The following ASIC2 variants were observed in gnomAD, a reference collection of about 807,000 sequenced individuals.
The protein encoded by ASIC2 is acid sensing ion channel subunit 2, also known as acid-sensing ion channel 2.
A neutral mutation model predicts 57.3 loss-of-function variants in ASIC2; 25 were observed. The ratio of observed to expected loss-of-function variants is 0.44; its 90% CI spans 0.32 to 0.61. The LOEUF is 0.61. Among genes scored for constraint, ASIC2 ranks in the 20% least tolerant of loss-of-function variants. ASIC2 has a pLI of 0.06. For synonymous variants in ASIC2, 319 were observed against 307.5 expected (o/e 1.04, Z -0.39); for missense variants, 641 against 738.1 (o/e 0.87, Z 1.52).
Position 33,436,853 on chromosome 17 carries a change from C to CTTCTTTTTTTT in ASIC2, c.556-324787_556-324786insAAAAAAAAGAA, listed in dbSNP as rs1356302162. On this transcript the variant is annotated intron_variant, in intron 1 of 9. Coordinates refer to the ASIC2 transcript ENST00000359872. ...AATGCCTTAAAACACATTCCAACTTCTTTTTTTTTTTTTTTTTTTTTTTTT... is the reference window on the plus strand; with the variant it reads ...AATGCCTTAAAACACATTCCAACTTCTTCTTTTTTTTTTTTTTTTTTTTTTTTTTTTTTTTT... Among the ~76,000 whole-genome samples, 24 of 66,616 alleles carry CTTCTTTTTTTT rather than the reference C, an allele frequency of 3.6e-4. 1 individual carries two copies. The highest frequency in any genetic ancestry group is 1.1e-3 in the East Asian group (2 of 1,878). 43.7% of individuals were successfully genotyped at this position (66,616 alleles called of 152,430 possible).
chr17:33,749,944 C>T (rs1567705638), intron 1 of ASIC2, among the ~76,000 whole-genome samples: 1 of 152,150 alleles, frequency 6.6e-6, no homozygotes, highest in African/African-American at 2.4e-5. Flanking sequence ...CCGAGTCTCC[C>T]CCCATGCCAT....
chr17:33,118,324 C>T (rs1211060903), intron 1 of ASIC2, among the ~76,000 whole-genome samples: 4 of 152,172 alleles, frequency 2.6e-5, no homozygotes, highest in South Asian at 2.1e-4. Flanking sequence ...TATCTGCTAT[C>T]GTTAACTTTT....
intron 1 of ASIC2, among the ~76,000 whole-genome samples, chr17:33,825,466 C>T (rs1443394091): frequency 1.3e-5 from 2 of 152,190 alleles, no homozygotes; most frequent in African/African-American, 2.4e-5. Flanking sequence ...CTAACTGAGG[C>T]CCCTTTACAC....
At chr17:33,368,285 T>G (rs1456927755) in intron 1 of ASIC2, among the ~76,000 whole-genome samples, 1 of 152,204 alleles carries the variant, frequency 6.6e-6, no homozygotes, top group African/African-American at 2.4e-5. Context: ...AAAGCTGCCA[T>G]GTTGGAGAGG....
chr17:33,449,316 A>G (rs1485580295), intron 1 of ASIC2, among the ~76,000 whole-genome samples: 1 of 152,084 alleles, frequency 6.6e-6, no homozygotes, highest in African/African-American at 2.4e-5. Context: ...CCAGTCAGGG[A>G]TTAAGACCTA....
intron 1 of ASIC2, among the ~76,000 whole-genome samples, chr17:33,613,291 C>T (rs558124888): frequency 6.6e-6 from 1 of 151,910 alleles, no homozygotes; most frequent in South Asian, 2.1e-4. Context: ...TCCTCCAGTG[C>T]CTCTGCTCAA....
intron 1 of ASIC2, among the ~76,000 whole-genome samples, chr17:33,706,823 G>T (rs1908878085): frequency 1.3e-5 from 2 of 152,066 alleles, no homozygotes; most frequent in African/African-American, 4.8e-5. Context: ...TCATCTTCTT[G>T]GTTCAATAAG....
At chr17:33,626,599 G>C (rs955219466) in intron 1 of ASIC2, among the ~76,000 whole-genome samples, 2 of 152,110 alleles carry the variant, frequency 1.3e-5, no homozygotes, top group African/African-American at 4.8e-5. Flanking sequence ...CATTGATAAC[G>C]GTGTCAGGGG....
chr17:34,056,385 G>T (rs917763361), intron 1 of ASIC2, among the ~76,000 whole-genome samples: 11 of 152,156 alleles, frequency 7.2e-5, no homozygotes, highest in Admixed American at 1.3e-4. Context: ...TGGAGGGATG[G>T]AAAATGGGTT....
chr17:33,896,463 C>T lies in ASIC2; in HGVS notation c.555+259515G>A, dbSNP rs139119250. On this transcript the variant is annotated intron_variant, in intron 1 of 9. Transcript: ENST00000359872. ...AGAGAGTCTAGCGACTCCGCAACAG[C>T]CAGGGTATGAATATTCATTGTCAGT... Among the ~76,000 whole-genome samples the T allele has an allele frequency of 8.4e-4, 128 of 152,286 alleles. 1 individual carries two copies. Among genetic ancestry groups the T allele is most frequent in the African/African-American group, 3.0e-3 (126 of 41,550 alleles).
chr17:33,732,392 C>G (rs1028888948), intron 1 of ASIC2, among the ~76,000 whole-genome samples: 1 of 152,034 alleles, frequency 6.6e-6, no homozygotes, highest in Non-Finnish European at 1.5e-5. Flanking sequence ...CCCTCCAGAA[C>G]TTACATTTTG....
chr17:33,715,092 T>C (rs1727420395), intron 1 of ASIC2, among the ~76,000 whole-genome samples: 1 of 151,886 alleles, frequency 6.6e-6, no homozygotes, highest in African/African-American at 2.4e-5. Flanking sequence ...CTCAAAGTCC[T>C]CGGCTCAAGT....
chr17:33,621,840 A>G (rs890444784), intron 1 of ASIC2, among the ~76,000 whole-genome samples: 14 of 152,150 alleles, frequency 9.2e-5, no homozygotes, highest in African/African-American at 3.1e-4. Flanking sequence ...TATTTTCTAA[A>G]TCTTCCACTA....
intron 1 of ASIC2, among the ~76,000 whole-genome samples, chr17:33,139,913 T>C (rs141909498): frequency 2.0e-4 from 31 of 152,380 alleles, no homozygotes; most frequent in African/African-American, 7.2e-4. Context: ...AAACTCAGTC[T>C]TCCCTAAAAT....
At chr17:33,221,911 G>T (rs1283487364) in intron 1 of ASIC2, among the ~76,000 whole-genome samples, 1 of 152,194 alleles carries the variant, frequency 6.6e-6, no homozygotes, top group Non-Finnish European at 1.5e-5. Context: ...CTTCACCGAT[G>T]ATTGATTTGT....
chr17:33,952,787 A>G (rs1010142062), intron 1 of ASIC2, among the ~76,000 whole-genome samples: 6 of 152,222 alleles, frequency 3.9e-5, no homozygotes, highest in African/African-American at 1.4e-4. Flanking sequence ...GTAGAAATAA[A>G]GGTAGGATTA....
intron 1 of ASIC2, among the ~76,000 whole-genome samples, chr17:33,421,208 G>T (rs553682465): frequency 6.6e-6 from 1 of 152,326 alleles, no homozygotes; most frequent in East Asian, 1.9e-4. Flanking sequence ...ACAGCAGGGA[G>T]GAGGGGGCAC....
intron 1 of ASIC2, among the ~76,000 whole-genome samples, chr17:34,135,132 T>A (rs556188914): frequency 6.6e-4 from 101 of 152,344 alleles, no homozygotes; most frequent in Non-Finnish European, 1.2e-3. Flanking sequence ...TGGAAAGCTC[T>A]TAATTAATAA....
At chr17:33,697,433 C>T in intron 1 of ASIC2, among the ~76,000 whole-genome samples, 1 of 152,268 alleles carries the variant, frequency 6.6e-6, no homozygotes, top group East Asian at 1.9e-4. Flanking sequence ...TCTTGCAGTT[C>T]AAACTCATGT....
Sources: gnomAD v4.1 joint callset for allele counts (sites outside exome capture counted in the v4.1 genomes callset) on GRCh38, gnomAD v4.1.1 for gene constraint, MANE v1.5 for transcripts, NCBI Gene and HGNC (gene_info 2026-07-23, HGNC 2026-07-21) for gene names.